PIK3R5: variants seen among roughly 807,000 people sequenced by gnomAD.
The protein encoded by PIK3R5 is phosphoinositide-3-kinase regulatory subunit 5, also known as phosphoinositide 3-kinase regulatory subunit 5.
A neutral mutation model predicts 94.9 loss-of-function variants in PIK3R5; 32 were observed. The observed-to-expected ratio is 0.34, with a 90% CI of 0.25 to 0.45. The LOEUF (loss-of-function observed/expected upper bound fraction) is 0.45, where lower values mean the gene tolerates loss of function less well. Ranked by LOEUF, PIK3R5 falls within the 20% of genes least tolerant of loss-of-function variation. The pLI is 1.00. For missense variants in PIK3R5, 853 were observed against 1,144.6 expected (o/e 0.75, Z 3.68); for synonymous variants, 443 against 479.4 (o/e 0.92, Z 0.99).
intron 5 of PIK3R5, among the ~76,000 whole-genome samples, chr17:8,897,268 A>AG (rs1413693391): frequency 1.3e-5 from 2 of 152,148 alleles, no homozygotes; most frequent in Non-Finnish European, 2.9e-5. Flanking sequence ...AGGAGCAGAG[A>AG]GGGGGAAGGT....
Position 8,884,048 on chromosome 17 carries a change from G to A in PIK3R5, c.2205+659C>T, listed in dbSNP as rs1420886064. Among the ~76,000 whole-genome samples the A allele has an allele frequency of 6.6e-6, 1 of 152,098 alleles. No individual in the cohort carries two copies. The highest frequency in any genetic ancestry group is 2.4e-5 in the African/African-American group (1 of 41,412). On this transcript the variant is annotated intron_variant, in intron 15 of 18. Transcript: ENST00000447110. This position sits in a 1 kb window ranked among gnomAD's most constrained non-coding sequence, Gnocchi z 5.8. Reference sequence around the variant, plus strand: ...ATCTTGGCTATTTCTTTGTTTCCTCGTTTCTTGTCTGTCTCCCTCCTCTAG... The same window carrying A: ...ATCTTGGCTATTTCTTTGTTTCCTCATTTCTTGTCTGTCTCCCTCCTCTAG...
rs375105198 is a variant in PIK3R5, at chr17:8,937,596, T to G, written c.-13-26089A>C. Among the ~76,000 whole-genome samples the G allele has an allele frequency of 1.8e-4, 28 of 152,382 alleles. 1 individual carries two copies. The South Asian group carries it at 5.6e-3, about 30-fold the overall frequency. ...CAGAATAAATCCCTCTTAGCTGTGA[T>G]CTATAATTCTTTTCGTGTATCGTTG... On this transcript the variant is annotated intron_variant, in intron 1 of 18. Coordinates refer to ENST00000447110, the MANE Select transcript of PIK3R5 (RefSeq NM_001142633.3).
At chr17:8,949,763 G>C (rs1174714859) in intron 1 of PIK3R5, among the ~76,000 whole-genome samples, 1 of 152,152 alleles carries the variant, frequency 6.6e-6, no homozygotes, top group African/African-American at 2.4e-5. Context: ...GGACTTAGCA[G>C]GGGAAAGGTG....
At position 8,887,589 on chromosome 17, in the gene PIK3R5, C is replaced by A. The variant is rs751593667; in HGVS notation, c.1711G>T (p.Ala571Ser). The change falls in exon 11 of 19, where the codon GCC becomes TCC. Residue 571 changes from alanine (A) to serine (S), a missense_variant. Transcript: ENST00000447110. ...VKRSHGTSPG[A>S]CPPPRSQTPS... Reference sequence around the variant, plus strand: ...GTCTGGCTCCGAGGGGGTGGACAGGCACCAGGGCTGGTCCCATGACTTCGC... The same window carrying A: ...GTCTGGCTCCGAGGGGGTGGACAGGAACCAGGGCTGGTCCCATGACTTCGC... 1 of 1,609,694 alleles carries A rather than the reference C, an allele frequency of 6.2e-7. No homozygotes were observed. Among genetic ancestry groups the A allele is most frequent in the Non-Finnish European group, 8.5e-7 (1 of 1,178,150 alleles).
intron 1 of PIK3R5, among the ~76,000 whole-genome samples, chr17:8,960,634 C>T (rs1243485689): frequency 6.6e-6 from 1 of 152,228 alleles, no homozygotes; most frequent in East Asian, 1.9e-4. Context: ...AACTGACATG[C>T]AGAGAGGTAC....
chr17:8,898,419 A>T (rs891952989), intron 5 of PIK3R5, among the ~76,000 whole-genome samples: 2 of 152,266 alleles, frequency 1.3e-5, no homozygotes, highest in African/African-American at 4.8e-5. Flanking sequence ...ACCCAGGGTC[A>T]TGCAGCCATC....
chr17:8,951,845 T>C (rs969772135), intron 1 of PIK3R5, among the ~76,000 whole-genome samples: 2 of 152,228 alleles, frequency 1.3e-5, no homozygotes, highest in African/African-American at 4.8e-5. Flanking sequence ...CTTCCTTCTA[T>C]GGGGATATAA....
intron 1 of PIK3R5, among the ~76,000 whole-genome samples, chr17:8,957,616 C>T (rs548363577): frequency 1.3e-5 from 2 of 152,308 alleles, no homozygotes; most frequent in South Asian, 2.1e-4. Flanking sequence ...TGGATATGCC[C>T]AGTTCAGTGT....
chr17:8,955,226 G>C lies in PIK3R5; in HGVS notation c.-14+10370C>G, dbSNP rs1377811132. ...CATCAGTCATCCAAGGCTGAGGCCC[G>C]GGCCTCTTCCATGCTGGCTGCTCGA... On this transcript the variant is annotated intron_variant, in intron 1 of 18. Coordinates refer to ENST00000447110, the MANE Select transcript of PIK3R5 (RefSeq NM_001142633.3). This position sits in a 1 kb window ranked among gnomAD's most constrained non-coding sequence, Gnocchi z 4.4. 6.6e-6 allele frequency among the ~76,000 whole-genome samples: 1 copy of C among 152,182 alleles called. No homozygotes were observed. The highest frequency in any genetic ancestry group is 2.4e-5 in the African/African-American group (1 of 41,440).
chr17:8,880,003 C>T lies in PIK3R5; in HGVS notation c.*636G>A, dbSNP rs999516324. 3 of 152,124 alleles carry T rather than the reference C, an allele frequency of 2.0e-5. No individual in the cohort carries two copies. Among genetic ancestry groups the T allele is most frequent in the African/African-American group, 2.4e-5 (1 of 41,422 alleles). The allele number at this position is 152,124 out of a possible 1,614,324, so 9.4% of individuals were successfully genotyped here. A position where few individuals can be genotyped will look rare whatever the true frequency, so the allele number is the denominator to read the frequency against. On this transcript the variant is annotated 3_prime_UTR_variant, in exon 19 of 19. Transcript: ENST00000447110. Reference sequence around the variant, plus strand: ...AAGGAGATCAAGAGAGAATCTGTGCCGGGTTCTGAGAGTAGACAGGTCCAG... The same window carrying T: ...AAGGAGATCAAGAGAGAATCTGTGCTGGGTTCTGAGAGTAGACAGGTCCAG...
At position 8,890,844 on chromosome 17, in the gene PIK3R5, G is replaced by A. The variant is rs753871554; in HGVS notation, c.551C>T (p.Thr184Met). Residue 184 changes from threonine to methionine, a missense_variant, in exon 7 of 19, where the codon ACG becomes ATG. Thr to Met is a moderately conservative substitution (Grantham distance 81). Transcript: ENST00000447110. This position sits in a 1 kb window ranked among gnomAD's most constrained non-coding sequence, Gnocchi z 6.1. ...EFLAVANKLS[T>M]PGHSPHSAYT... ...GGCACTGTGAGGCGAGTGTCCGGGC[G>A]TACTCAGCTTATTGGCTACAGCAAG... 3.1e-5 allele frequency: 50 copies of A among 1,613,322 alleles called. No homozygotes were observed. The highest frequency in any genetic ancestry group is 2.5e-4 in the Admixed American group (15 of 59,884).
intron 1 of PIK3R5, among the ~76,000 whole-genome samples, chr17:8,917,427 G>T (rs985286989): frequency 1.3e-5 from 2 of 152,196 alleles, no homozygotes; most frequent in African/African-American, 2.4e-5. Flanking sequence ...CACTGACGGG[G>T]ATAGGGAATG....
At chr17:8,926,416 G>A (rs186913552) in intron 1 of PIK3R5, among the ~76,000 whole-genome samples, 35 of 152,220 alleles carry the variant, frequency 2.3e-4, no homozygotes, top group South Asian at 4.1e-4. Flanking sequence ...AAAACTACCC[G>A]TATTAGTCCA....
At chr17:8,910,903 C>G (rs571476921) in intron 2 of PIK3R5, among the ~76,000 whole-genome samples, 2 of 152,034 alleles carry the variant, frequency 1.3e-5, no homozygotes, top group African/African-American at 4.8e-5. Flanking sequence ...CGCAACTGCC[C>G]GGGACTGCGG....
At chr17:8,907,852 G>T (rs1030123780) in intron 3 of PIK3R5, among the ~76,000 whole-genome samples, 16 of 151,988 alleles carry the variant, frequency 1.1e-4, no homozygotes, top group African/African-American at 3.1e-4. Context: ...TGCCCAGGCT[G>T]GTCTTGAACT....
At chr17:8,913,444 T>G (rs557204906) in intron 1 of PIK3R5, among the ~76,000 whole-genome samples, 1 of 152,326 alleles carries the variant, frequency 6.6e-6, no homozygotes, top group Non-Finnish European at 1.5e-5. Flanking sequence ...CGGTGGCTCA[T>G]GCCCGTAATC....
At chr17:8,919,885 C>CT (rs2090702270) in intron 1 of PIK3R5, among the ~76,000 whole-genome samples, 1 of 136,396 alleles carries the variant, frequency 7.3e-6, no homozygotes, top group Admixed American at 8.0e-5. Context: ...TTTCTTTTTC[C>CT]TTCTTTTTTT....
intron 1 of PIK3R5, among the ~76,000 whole-genome samples, chr17:8,950,300 AATATATGCAATATAAAATTTACG>A (rs1383459775): frequency 6.6e-6 from 1 of 152,230 alleles, no homozygotes; most frequent in Non-Finnish European, 1.5e-5. Context: ...ATTGTGGTAA[AATATATGCAATATAAAATTTACG>A]ATTGTAAGTA....
At position 8,882,628 on chromosome 17, in the gene PIK3R5, T is replaced by C. The variant is rs1387498259; in HGVS notation, c.2206-747A>G. 6.5e-6 allele frequency: 1 copy of C among 152,728 alleles called. No individual in the cohort carries two copies. The highest frequency in any genetic ancestry group is 1.5e-5 in the Non-Finnish European group (1 of 68,494). 9.5% of individuals were successfully genotyped at this position (152,728 alleles called of 1,614,324 possible). ...GCCGTCTATTCTCACTGTCTCCTTA[T>C]ACCTCTCAAGGCCTCTCAACCTCAA... On this transcript the variant is annotated intron_variant, in intron 15 of 18. Coordinates refer to ENST00000447110, the MANE Select transcript of PIK3R5 (RefSeq NM_001142633.3). This position sits in a 1 kb window ranked among gnomAD's most constrained non-coding sequence, Gnocchi z 4.1.
Sources: gnomAD v4.1 joint callset for allele counts (sites outside exome capture counted in the v4.1 genomes callset) on GRCh38, gnomAD v4.1.1 for gene constraint, Gnocchi (gnomAD v3.1) non-coding constraint, MANE v1.5 for transcripts, NCBI Gene and HGNC (gene_info 2026-07-23, HGNC 2026-07-21) for gene names.